RSF1: variants seen among roughly 807,000 people sequenced by gnomAD.
The protein encoded by RSF1 is remodeling and spacing factor 1.
In RSF1, 13 loss-of-function variants were observed where a neutral mutation model predicts 145.2. The ratio of observed to expected loss-of-function variants is 0.09; its 90% CI spans 0.06 to 0.14. The LOEUF is 0.14. RSF1 is among the 10% of genes least tolerant of loss of function. The pLI, the probability that RSF1 is intolerant of heterozygous loss-of-function variation, is 1.00. For missense variants in RSF1, 1,517 were observed against 1,718.2 expected (o/e 0.88, Z 2.07); for synonymous variants, 577 against 592.6 (o/e 0.97, Z 0.38).
chr11:77,813,249 GA>G, intron 1 of RSF1: 6 of 593,628 alleles, frequency 1.0e-5, no homozygotes, highest in Non-Finnish European at 1.2e-5. Flanking sequence ...GTCTAATGAT[GA>G]ATGGGATCAA....
At chr11:77,808,527 C>CT (rs745630976) in intron 1 of RSF1, among the ~76,000 whole-genome samples, 10,556 of 59,304 alleles carry the variant, frequency 0.18, 3,016 homozygotes, top group Non-Finnish European at 0.2. Flanking sequence ...AATATTATAC[C>CT]TTTTTTTTTT....
chr11:77,866,956 TCAGCCTCCTGAG>T, the RSF1 span, among the ~76,000 whole-genome samples: 1 of 152,134 alleles, frequency 6.6e-6, no homozygotes, highest in South Asian at 2.1e-4. Context: ...TTCTCCTGCC[TCAGCCTCCTGAG>T]TAGCTGGAAT....
At chr11:77,766,195 C>T (rs916738467) in intron 1 of RSF1, among the ~76,000 whole-genome samples, 19 of 151,906 alleles carry the variant, frequency 1.3e-4, no homozygotes, top group African/African-American at 4.1e-4. Context: ...TCTTATCATT[C>T]GCCCTTATGT....
intron 7 of RSF1, 90 bp downstream of exon 7, chr11:77,698,397 A>C: frequency 2.9e-6 from 3 of 1,023,048 alleles, no homozygotes; most frequent in Non-Finnish European, 4.5e-6. Flanking sequence ...AGAAATTCAA[A>C]TAATGATAAA....
At chr11:77,779,842 C>G (rs1316190897) in intron 1 of RSF1, among the ~76,000 whole-genome samples, 1 of 152,192 alleles carries the variant, frequency 6.6e-6, no homozygotes, top group Non-Finnish European at 1.5e-5. Flanking sequence ...TTTTTGTTTA[C>G]TGGCTCAACA....
At chr11:77,810,719 T>A (rs186238419) in intron 1 of RSF1, among the ~76,000 whole-genome samples, 43 of 152,156 alleles carry the variant, frequency 2.8e-4, no homozygotes, top group African/African-American at 9.4e-4. Flanking sequence ...TCCCACCACA[T>A]CCAACTAATT....
At chr11:77,788,617 T>A (rs1171207504) in intron 1 of RSF1, among the ~76,000 whole-genome samples, 1 of 149,498 alleles carries the variant, frequency 6.7e-6, no homozygotes, top group Non-Finnish European at 1.5e-5. Context: ...ATAATGAAAA[T>A]AACAGTCGTG....
intron 15 of RSF1, among the ~76,000 whole-genome samples, chr11:77,668,778 G>C (rs1959441606): frequency 6.6e-6 from 1 of 152,132 alleles, no homozygotes; most frequent in Non-Finnish European, 1.5e-5. Context: ...TTTTATATGA[G>C]GGACTTGTAA....
At chr11:77,844,314 C>T in the RSF1 span, among the ~76,000 whole-genome samples, 2 of 152,090 alleles carry the variant, frequency 1.3e-5, no homozygotes, top group South Asian at 4.1e-4. Context: ...TTTTAAAGGA[C>T]ACACATATTA....
At chr11:77,700,349 C>CAAAAAAAAA (rs71046906) in intron 6 of RSF1, among the ~76,000 whole-genome samples, 18 of 47,206 alleles carry the variant, frequency 3.8e-4, no homozygotes, top group African/African-American at 6.9e-4. Flanking sequence ...GACTGTCTCA[C>CAAAAAAAAA]AAAAAAAAAA....
the RSF1 span, chr11:77,866,280 A>G: frequency 4.6e-5 from 7 of 152,234 alleles, no homozygotes; most frequent in African/African-American, 1.7e-4. Flanking sequence ...CCCCGCAGAA[A>G]AAACAATAAG....
the RSF1 span, among the ~76,000 whole-genome samples, chr11:77,860,704 G>C: frequency 6.6e-6 from 1 of 152,218 alleles, no homozygotes; most frequent in Non-Finnish European, 1.5e-5. Context: ...GGTGAATTGA[G>C]ACATTGGGTT....
chr11:77,804,830 A>G (rs1185316758), intron 1 of RSF1, among the ~76,000 whole-genome samples: 2 of 152,212 alleles, frequency 1.3e-5, no homozygotes, highest in Non-Finnish European at 2.9e-5. Context: ...ACCTTGTCTC[A>G]AAAAAGGCTG....
rs750688480 is a variant in RSF1, at chr11:77,820,673, C to G, written c.42G>C (p.Pro14=). The change falls in exon 1 of 16, where the codon CCG becomes CCC. Residue 14 remains proline, a synonymous_variant. Coordinates refer to ENST00000308488, the MANE Select transcript of RSF1 (RefSeq NM_016578.4). The stretch of plus-strand genomic sequence containing the variant: ...AGTTGGGGCACGAACCCGGGCAGCC[C>G]GGAGGAGCCATCACCGCCGCCGCTG... ...AAAAAAVMAP[P]GCPGSCPNFA... The G allele has an allele frequency of 2.6e-6, 4 of 1,555,368 alleles. No homozygotes were observed. The highest frequency in any genetic ancestry group is 3.5e-6 in the Non-Finnish European group (4 of 1,150,866).
At chr11:77,814,968 G>C (rs2135991602) in intron 1 of RSF1, among the ~76,000 whole-genome samples, 1 of 152,274 alleles carries the variant, frequency 6.6e-6, no homozygotes, top group African/African-American at 2.4e-5. Context: ...GGAGCTAGCA[G>C]GCACTGCACT....
At chr11:77,869,889 CCTT>C in the RSF1 span, 2 of 1,449,814 alleles carry the variant, frequency 1.4e-6, no homozygotes, top group African/African-American at 1.4e-5. Context: ...ACAGACTTGT[CCTT>C]CTTGGGAGGT....
At chr11:77,770,659 C>T (rs903336955) in intron 1 of RSF1, among the ~76,000 whole-genome samples, 14 of 152,146 alleles carry the variant, frequency 9.2e-5, no homozygotes, top group Non-Finnish European at 1.9e-4. Flanking sequence ...AAGAAACACA[C>T]CAAACATGGC....
intron 1 of RSF1, among the ~76,000 whole-genome samples, chr11:77,768,789 T>C (rs1369252426): frequency 6.6e-6 from 1 of 152,224 alleles, no homozygotes; most frequent in Non-Finnish European, 1.5e-5. Context: ...TTAATCAACA[T>C]TATAGTTTAT....
At chr11:77,859,826 C>T in the RSF1 span, among the ~76,000 whole-genome samples, 1 of 152,192 alleles carries the variant, frequency 6.6e-6, no homozygotes, top group Non-Finnish European at 1.5e-5. Context: ...AAGAGTTGCA[C>T]AAGTGCACAG....
Sources: allele counts gnomAD v4.1 joint callset (sites outside exome capture counted in the v4.1 genomes callset), GRCh38; gene constraint gnomAD v4.1.1; transcripts MANE v1.5; gene names NCBI Gene and HGNC (gene_info 2026-07-23, HGNC 2026-07-21).